Variants in ANKRD55 observed in about 807,000 individuals in gnomAD.
ANKRD55 encodes the protein ankyrin repeat domain 55, also known as ankyrin repeat domain-containing protein 55.
ANKRD55 carries 41 observed loss-of-function variants against 60.6 expected under a neutral mutation model. The ratio of observed to expected loss-of-function variants is 0.68; its 90% CI spans 0.53 to 0.88. The LOEUF is 0.88. Among genes scored for constraint, ANKRD55 ranks in the 40% least tolerant of loss-of-function variants. The pLI is 0.00. For synonymous variants in ANKRD55, 264 were observed against 290.3 expected (o/e 0.91, Z 0.92); for missense variants, 732 against 767.6 (o/e 0.95, Z 0.55).
At chr5:56,220,123 GTC>G (rs1759923701) in intron 2 of ANKRD55, among the ~76,000 whole-genome samples, 1 of 152,246 alleles carries the variant, frequency 6.6e-6, no homozygotes, top group Non-Finnish European at 1.5e-5. Flanking sequence ...GCCCAAGTGA[GTC>G]TCTATTCTCT....
intron 3 of ANKRD55, among the ~76,000 whole-genome samples, chr5:56,176,653 T>C (rs1758744505): frequency 6.6e-6 from 1 of 152,116 alleles, no homozygotes; most frequent in African/African-American, 2.4e-5. Context: ...TCTAGGCAGA[T>C]GGGTTCAGCA....
intron 8 of ANKRD55, among the ~76,000 whole-genome samples, chr5:56,123,246 G>T (rs910049823): frequency 4.6e-5 from 7 of 152,082 alleles, no homozygotes; most frequent in Admixed American, 3.9e-4. Flanking sequence ...CCTGGAGGCA[G>T]CCTGGCAGCT....
chr5:56,141,826 G>C (rs867012430), intron 7 of ANKRD55, among the ~76,000 whole-genome samples: 2 of 152,108 alleles, frequency 1.3e-5, no homozygotes, highest in Non-Finnish European at 2.9e-5. Context: ...TGACCATTTC[G>C]TCCAATTACA....
intron 8 of ANKRD55, among the ~76,000 whole-genome samples, chr5:56,124,785 T>C (rs1274303841): frequency 6.6e-6 from 1 of 152,200 alleles, no homozygotes; most frequent in Non-Finnish European, 1.5e-5. Flanking sequence ...GGATTATAGA[T>C]GTGAGCCACT....
intron 10 of ANKRD55, among the ~76,000 whole-genome samples, chr5:56,104,324 C>A (rs56329069): frequency 2.0e-5 from 3 of 152,122 alleles, no homozygotes; most frequent in Non-Finnish European, 4.4e-5. Context: ...TCAAGTCACA[C>A]GCTAGGAAGG....
intron 7 of ANKRD55, among the ~76,000 whole-genome samples, chr5:56,128,325 C>T (rs1757328859): frequency 6.6e-6 from 1 of 152,086 alleles, no homozygotes; most frequent in African/African-American, 2.4e-5. Context: ...AAAACAAAAC[C>T]CCACACTCGT....
At chr5:56,203,030 G>A (rs1759416846) in intron 2 of ANKRD55, among the ~76,000 whole-genome samples, 1 of 152,090 alleles carries the variant, frequency 6.6e-6, no homozygotes, top group Non-Finnish European at 1.5e-5. Flanking sequence ...TAGGATGGAG[G>A]CAATATACAC....
chr5:56,194,547 C>T (rs899304264), intron 2 of ANKRD55, among the ~76,000 whole-genome samples: 3 of 152,022 alleles, frequency 2.0e-5, no homozygotes, highest in East Asian at 3.9e-4. Context: ...TTAATAAAAC[C>T]GCACTTTAAA....
intron 2 of ANKRD55, among the ~76,000 whole-genome samples, chr5:56,230,515 T>A (rs955555765): frequency 1.3e-5 from 2 of 152,188 alleles, no homozygotes; most frequent in African/African-American, 4.8e-5. Flanking sequence ...GGTTCACTTA[T>A]CCAGACAGTA....
At position 56,221,092 on chromosome 5, in the gene ANKRD55, C is replaced by T. The variant is rs563566133; in HGVS notation, c.58+11764G>A. ...TCTCCTCAATGTTCCTGGGTTTACT[C>T]CAGGCTCCCATTCAAGATCTCTGAG... is the stretch of plus-strand genomic sequence containing the variant. On this transcript the variant is annotated intron_variant, in intron 2 of 11. Transcript: ENST00000341048. Among the ~76,000 whole-genome samples the T allele has an allele frequency of 1.2e-4, 19 of 152,244 alleles. No homozygotes were observed. The South Asian group carries it at 2.5e-3, about 20-fold the overall frequency.
chr5:56,154,495 C>T (rs1031544361), intron 6 of ANKRD55, among the ~76,000 whole-genome samples: 2 of 151,818 alleles, frequency 1.3e-5, no homozygotes, highest in East Asian at 1.9e-4. Flanking sequence ...ATAAATTTAT[C>T]GTGATTGGCT....
chr5:56,198,322 G>A (rs921005827), intron 2 of ANKRD55, among the ~76,000 whole-genome samples: 5 of 150,886 alleles, frequency 3.3e-5, no homozygotes, highest in Non-Finnish European at 5.9e-5. Context: ...TTTTTGAGAC[G>A]GAGTTTCGCT....
chr5:56,186,200 T>C (rs1207827496), intron 2 of ANKRD55, among the ~76,000 whole-genome samples: 1 of 152,158 alleles, frequency 6.6e-6, no homozygotes, highest in Non-Finnish European at 1.5e-5. Context: ...CAGGGTCTCG[T>C]TGGGTCACCC....
chr5:56,107,772 G>T (rs545713266), intron 10 of ANKRD55, among the ~76,000 whole-genome samples: 6 of 152,256 alleles, frequency 3.9e-5, no homozygotes, highest in Non-Finnish European at 7.3e-5. Context: ...TTAGGTGACG[G>T]GGCACATAGA....
At chr5:56,230,447 G>C (rs1451909890) in intron 2 of ANKRD55, among the ~76,000 whole-genome samples, 2 of 152,176 alleles carry the variant, frequency 1.3e-5, no homozygotes, top group East Asian at 3.8e-4. Flanking sequence ...TGATTGCTAA[G>C]ATTCTTCCAG....
intron 5 of ANKRD55, 80 bp downstream of exon 5, chr5:56,170,614 A>G (rs1400089621): frequency 8.8e-7 from 1 of 1,141,006 alleles, no homozygotes; most frequent in Non-Finnish European, 1.3e-6. Flanking sequence ...TTTATCAGCC[A>G]CAGAGGGATG....
intron 9 of ANKRD55, among the ~76,000 whole-genome samples, chr5:56,112,835 C>T (rs992211646): frequency 2.0e-5 from 3 of 152,160 alleles, no homozygotes; most frequent in Non-Finnish European, 4.4e-5. Flanking sequence ...AGTGAGATAT[C>T]GCAATCTGCA....
chr5:56,143,963 G>C, intron 6 of ANKRD55, 34 bp from the exon 7 acceptor site: 1 of 1,611,936 alleles, frequency 6.2e-7, no homozygotes, highest in Non-Finnish European at 8.5e-7. Context: ...ACAGAGATGA[G>C]CACAGGCTCC....
intron 2 of ANKRD55, among the ~76,000 whole-genome samples, chr5:56,225,480 C>A (rs1760087257): frequency 6.6e-6 from 1 of 152,150 alleles, no homozygotes; most frequent in African/African-American, 2.4e-5. Flanking sequence ...GAAGTTCCGG[C>A]CAAGGCAATC....
Sources: allele counts gnomAD v4.1 joint callset (sites outside exome capture counted in the v4.1 genomes callset), GRCh38; gene constraint gnomAD v4.1.1; transcripts MANE v1.5; gene names NCBI Gene and HGNC (gene_info 2026-07-23, HGNC 2026-07-21).